The following GSE1 variants were observed in gnomAD, a reference collection of about 807,000 sequenced individuals.
GSE1 encodes the protein Gse1 coiled-coil protein, also known as genetic suppressor element 1.
A neutral mutation model predicts 112.6 loss-of-function variants in GSE1; 32 were observed. That is an observed-to-expected ratio of 0.28 (90% confidence interval 0.21 to 0.38). The LOEUF (loss-of-function observed/expected upper bound fraction) is 0.38. Among genes scored for constraint, GSE1 ranks in the 10% least tolerant of loss-of-function variants. The pLI is 1.00. For missense variants in GSE1, 2,348 were observed against 1,699.2 expected, an observed-to-expected ratio of 1.38 and a Z score of -6.71; for synonymous variants, 1,115 against 735.6, an observed-to-expected ratio of 1.52 and a Z score of -8.35.
chr16:85,357,636 T>A lies in GSE1; in HGVS notation c.2457T>A (p.Thr819=), dbSNP rs1347902666. 10 of 1,288,676 alleles carry A rather than the reference T, an allele frequency of 7.8e-6. No individual in the cohort carries two copies. The Admixed American group carries it at 2.3e-4, about 30-fold the overall frequency. The allele number at this position is 1,288,676 out of a possible 1,614,324, so 79.8% of individuals were successfully genotyped here. The change falls in exon 2 of 3, where the codon ACT becomes ACA. Residue 819 remains threonine, a synonymous_variant. Coordinates refer to the GSE1 transcript ENST00000637419. Reference sequence around the variant, plus strand: ...GGGAGGAGGACGGACCAGACCTTACTGGTGCAGGTAGACGCCAGCTCTTTT... The same window carrying A: ...GGGAGGAGGACGGACCAGACCTTACAGGTGCAGGTAGACGCCAGCTCTTTT...
intron 2 of GSE1, among the ~76,000 whole-genome samples, chr16:85,528,165 C>T (rs896083490): frequency 6.6e-6 from 1 of 152,252 alleles, no homozygotes; most frequent in African/African-American, 2.4e-5. Context: ...ACAAGATTCT[C>T]ACCCCCGTGA....
intron 15 of GSE1, among the ~76,000 whole-genome samples, 184 bp downstream of exon 15, chr16:85,671,282 T>C (rs2053309134): frequency 6.6e-6 from 1 of 151,212 alleles, no homozygotes; most frequent in Non-Finnish European, 1.5e-5. Context: ...CTACTAAAAA[T>C]ACAAAAAATT....
intron 2 of GSE1, among the ~76,000 whole-genome samples, chr16:85,485,329 G>A (rs2050798570): frequency 6.6e-6 from 1 of 152,244 alleles, no homozygotes; most frequent in Non-Finnish European, 1.5e-5. Flanking sequence ...CAGTCACACA[G>A]CAGGGTGGGC....
chr16:85,572,524 GCACA>G (rs1028635433), intron 1 of GSE1, among the ~76,000 whole-genome samples: 1 of 150,628 alleles, frequency 6.6e-6, no homozygotes, highest in Admixed American at 6.6e-5. Context: ...CACACACACC[GCACA>G]CACATACACG....
intron 1 of GSE1, among the ~76,000 whole-genome samples, chr16:85,308,163 A>T (rs1281157986): frequency 1.3e-5 from 2 of 152,110 alleles, no homozygotes; most frequent in Non-Finnish European, 2.9e-5. Flanking sequence ...TTCACCTAGA[A>T]CGCTGAGCTG....
intron 1 of GSE1, among the ~76,000 whole-genome samples, chr16:85,236,060 C>T (rs983098497): frequency 9.5e-5 from 14 of 147,524 alleles, no homozygotes; most frequent in Admixed American, 6.7e-5. Flanking sequence ...CTGGTGCCGC[C>T]CCTCCCGGAT....
chr16:85,358,100 C>A (rs898792252), intron 2 of GSE1, among the ~76,000 whole-genome samples: 1 of 152,126 alleles, frequency 6.6e-6, no homozygotes, highest in African/African-American at 2.4e-5. Context: ...GATGGCGCTG[C>A]CGTCCTCCCC....
chr16:85,460,707 G>A (rs190873670), intron 2 of GSE1, among the ~76,000 whole-genome samples: 8 of 152,270 alleles, frequency 5.3e-5, no homozygotes, highest in Middle Eastern at 3.4e-3. Context: ...AGGCCAGGGC[G>A]GAGCACCCAT....
intron 1 of GSE1, among the ~76,000 whole-genome samples, chr16:85,197,672 G>A (rs2074953702): frequency 6.6e-6 from 1 of 152,142 alleles, no homozygotes. Context: ...AGCTCCCTCC[G>A]GGATCAAGGC....
At chr16:85,656,279 C>G (rs987327716) in intron 6 of GSE1, 64 bp from the exon 7 acceptor site, 1 of 1,580,810 alleles carries the variant, frequency 6.3e-7, no homozygotes, top group African/African-American at 1.4e-5. Context: ...TTTTAAGGGC[C>G]TGCCCCAGGT....
chr16:85,435,729 G>C (rs200232415), intron 2 of GSE1, among the ~76,000 whole-genome samples: 1 of 24,588 alleles, frequency 4.1e-5, no homozygotes, highest in South Asian at 1.3e-3. Flanking sequence ...CTCTCCTGAC[G>C]TCTCCACGCA....
At chr16:85,416,652 T>G (rs1017596983) in intron 2 of GSE1, among the ~76,000 whole-genome samples, 2 of 152,042 alleles carry the variant, frequency 1.3e-5, no homozygotes, top group Non-Finnish European at 2.9e-5. Flanking sequence ...TTGCTAAGAG[T>G]TGCTAAGCAG....
At chr16:85,241,164 CTCGGCTGCGTGACCT>C (rs1209811129) in intron 1 of GSE1, among the ~76,000 whole-genome samples, 8 of 102,162 alleles carry the variant, frequency 7.8e-5, no homozygotes, top group Non-Finnish European at 1.7e-4. Flanking sequence ...TGACCTTGGG[CTCGGCTGCGTGACCT>C]TGGGCTCGGC....
At chr16:85,209,678 A>T (rs955940627) in intron 1 of GSE1, among the ~76,000 whole-genome samples, 6 of 152,156 alleles carry the variant, frequency 3.9e-5, no homozygotes, top group Admixed American at 2.6e-4. Context: ...GCAACCCTAG[A>T]TCGAGGTGCA....
At chr16:85,439,026 C>G (rs572245057) in intron 2 of GSE1, among the ~76,000 whole-genome samples, 3 of 152,320 alleles carry the variant, frequency 2.0e-5, no homozygotes, top group South Asian at 4.1e-4. Context: ...TGAGGCAAAG[C>G]CAAGATCACC....
At chr16:85,299,425 G>A (rs1228548481) in intron 1 of GSE1, among the ~76,000 whole-genome samples, 1 of 152,162 alleles carries the variant, frequency 6.6e-6, no homozygotes, top group Non-Finnish European at 1.5e-5. Flanking sequence ...GCCTTCACCT[G>A]GCCACAGGGG....
At chr16:85,619,149 A>C (rs1234348228) in intron 1 of GSE1, among the ~76,000 whole-genome samples, 1 of 152,012 alleles carries the variant, frequency 6.6e-6, no homozygotes. Flanking sequence ...TCTTTTTAGG[A>C]GCCTCAACGT....
rs3030350 is a variant in GSE1, at chr16:85,372,486, CAAAAAAAAA to C, written c.2464+14858_2464+14866del. Among the ~76,000 whole-genome samples the C allele has an allele frequency of 4.8e-3, 418 of 87,572 alleles. 2 individuals carry two copies. Among genetic ancestry groups the C allele is most frequent in the African/African-American group, 0.017 (393 of 23,082 alleles). The allele number at this position is 87,572 out of a possible 152,430, so 57.5% of individuals were successfully genotyped here. On this transcript the variant is annotated intron_variant, in intron 2 of 2. Transcript: ENST00000637419. ...CAGTGAAACTCTGGACTCTGTCTCA[CAAAAAAAAA>C]AAAAAAAAAAAAAAGAACACACTAC... is the stretch of plus-strand genomic sequence containing the variant.
At chr16:85,665,509 C>T (rs931030999) in intron 12 of GSE1, among the ~76,000 whole-genome samples, 1 of 152,238 alleles carries the variant, frequency 6.6e-6, no homozygotes, top group African/African-American at 2.4e-5. Flanking sequence ...ACTAGCCTAG[C>T]CGCCCTGGCT....
Sources: allele counts gnomAD v4.1 joint callset (sites outside exome capture counted in the v4.1 genomes callset), GRCh38; gene constraint gnomAD v4.1.1; transcripts MANE v1.5; gene names NCBI Gene and HGNC (gene_info 2026-07-23, HGNC 2026-07-21).